The following KIF13A variants were observed in gnomAD, a reference collection of about 807,000 sequenced individuals.
The protein encoded by KIF13A is kinesin family member 13A.
KIF13A carries 79 observed loss-of-function variants against 212.2 expected under a neutral mutation model. The observed-to-expected ratio is 0.37, with a 90% CI of 0.31 to 0.45. The LOEUF (loss-of-function observed/expected upper bound fraction) is 0.45, where lower values mean the gene tolerates loss of function less well. KIF13A is among the 20% of genes least tolerant of loss of function. KIF13A has a pLI of 1.00. For missense variants in KIF13A, 1,901 were observed against 2,209.0 expected, an observed-to-expected ratio of 0.86 and a Z score of 2.79; for synonymous variants, 789 against 808.6, an observed-to-expected ratio of 0.98 and a Z score of 0.41.
intron 23 of KIF13A, among the ~76,000 whole-genome samples, chr6:17,796,194 T>A (rs528431835): frequency 6.7e-6 from 1 of 149,836 alleles, no homozygotes; most frequent in African/African-American, 2.4e-5. Flanking sequence ...TTTTTTTTTT[T>A]CTTTCCTTTT....
chr6:17,918,915 C>T lies in KIF13A; in HGVS notation c.147-20735G>A, dbSNP rs184033561. Reference sequence around the variant, plus strand: ...TTATTTGCTTATTATCCACAGGTCTCCCCTGGATCTGACAGTTATAAGATC... The same window carrying T: ...TTATTTGCTTATTATCCACAGGTCTTCCCTGGATCTGACAGTTATAAGATC... On this transcript the variant is annotated intron_variant, in intron 2 of 38. Coordinates refer to ENST00000259711, the MANE Select transcript of KIF13A (RefSeq NM_022113.6). This position sits in a 1 kb window ranked among gnomAD's most constrained non-coding sequence, Gnocchi z 4.8. Among the ~76,000 whole-genome samples, 2 of 152,152 alleles carry T rather than the reference C, an allele frequency of 1.3e-5. No individual in the cohort carries two copies. Among genetic ancestry groups the T allele is most frequent in the Non-Finnish European group, 2.9e-5 (2 of 68,038 alleles).
intron 19 of KIF13A, 46 bp downstream of exon 19, chr6:17,805,429 C>T (rs1554168432): frequency 3.3e-6 from 5 of 1,529,628 alleles, no homozygotes; most frequent in East Asian, 2.3e-5. Context: ...CTTATATTCT[C>T]TGTTTTTAAC....
At chr6:17,910,833 G>C (rs1432890597) in intron 2 of KIF13A, among the ~76,000 whole-genome samples, 3 of 152,182 alleles carry the variant, frequency 2.0e-5, no homozygotes, top group African/African-American at 7.2e-5. Flanking sequence ...TGTGATCTCA[G>C]CTCACTGCAA....
rs1264404267 is a variant in KIF13A, at chr6:17,849,753, G to A, written c.718-264C>T. ...TCTGGAATACAGTCAGAAAGCTGGA[G>A]ATTTAAAATGCCTATGAGGAGATAT... On this transcript the variant is annotated intron_variant, in intron 8 of 38. Transcript: ENST00000259711. This position sits in a 1 kb window ranked among gnomAD's most constrained non-coding sequence, Gnocchi z 5.7. 6.6e-6 allele frequency among the ~76,000 whole-genome samples: 1 copy of A among 152,182 alleles called. No homozygotes were observed. The highest frequency in any genetic ancestry group is 1.5e-5 in the Non-Finnish European group (1 of 68,022).
rs913842897 is a variant in KIF13A, at chr6:17,871,801, T to C, written c.220+1576A>G. 6.6e-6 allele frequency among the ~76,000 whole-genome samples: 1 copy of C among 152,192 alleles called. No individual in the cohort carries two copies. The highest frequency in any genetic ancestry group is 6.5e-5 in the Admixed American group (1 of 15,274). ...TGAGAAGAGCTCCAGTTCAGGAAGATATATATGGCTGCATCTTGAGTAACA... is the reference window on the plus strand; with the variant it reads ...TGAGAAGAGCTCCAGTTCAGGAAGACATATATGGCTGCATCTTGAGTAACA... On this transcript the variant is annotated intron_variant, in intron 4 of 38. Transcript: ENST00000259711. The surrounding 1 kb of genome is among the most constrained non-coding windows in gnomAD (Gnocchi z 4.4).
At chr6:17,846,041 CTTTTTTTTT>C (rs34232861) in intron 9 of KIF13A, among the ~76,000 whole-genome samples, 60 of 83,254 alleles carry the variant, frequency 7.2e-4, no homozygotes, top group Non-Finnish European at 9.8e-4. Context: ...GGAACTCAAC[CTTTTTTTTT>C]TTTTTTTTTT....
intron 9 of KIF13A, among the ~76,000 whole-genome samples, chr6:17,848,955 T>C (rs1767365661): frequency 6.6e-6 from 1 of 152,162 alleles, no homozygotes; most frequent in African/African-American, 2.4e-5. Flanking sequence ...TCTCACTCTG[T>C]TGCCCAAGCT....
At chr6:17,810,627 T>C (rs540944517) in intron 17 of KIF13A, among the ~76,000 whole-genome samples, 1 of 152,354 alleles carries the variant, frequency 6.6e-6, no homozygotes, top group East Asian at 1.9e-4. Context: ...AATGAAATAA[T>C]GATACAGCTC....
At position 17,763,704 on chromosome 6, in the gene KIF13A, CA is replaced by C; in HGVS notation, c.*405del. 1 of 350,072 alleles carries C rather than the reference CA, an allele frequency of 2.9e-6. No homozygotes were observed. The highest frequency in any genetic ancestry group is 1.3e-4 in the East Asian group (1 of 7,578). 21.7% of individuals were successfully genotyped at this position (350,072 alleles called of 1,614,324 possible). ...GGGTGTCTTACAACTGTTGATATGA[CA>C]GAGTTTAATTGGCAGTATTTTTTCT... On this transcript the variant is annotated 3_prime_UTR_variant, in exon 39 of 39. Coordinates refer to ENST00000259711, the MANE Select transcript of KIF13A (RefSeq NM_022113.6).
chr6:17,824,154 C>T (rs1173663006), intron 16 of KIF13A, among the ~76,000 whole-genome samples: 4 of 151,612 alleles, frequency 2.6e-5, no homozygotes, highest in South Asian at 2.1e-4. Flanking sequence ...GTGATCTGCC[C>T]ACCTGGGCCT....
chr6:17,903,034 A>G (rs1030388044), intron 2 of KIF13A, among the ~76,000 whole-genome samples: 5 of 152,218 alleles, frequency 3.3e-5, no homozygotes, highest in African/African-American at 1.2e-4. Flanking sequence ...GACTTCAGAG[A>G]CTGTCAGAAA....
At position 17,783,163 on chromosome 6, in the gene KIF13A, G is replaced by A. The variant is rs1291274407; in HGVS notation, c.3544+483C>T. ...CACATGGGGTTCCAGTTAATATTTC[G>A]TTTAGAAAAGGATTGTTCTGCTAAA... is the stretch of plus-strand genomic sequence containing the variant. On this transcript the variant is annotated intron_variant, in intron 29 of 38. Transcript: ENST00000259711. This position sits in a 1 kb window ranked among gnomAD's most constrained non-coding sequence, Gnocchi z 4.3. Among the ~76,000 whole-genome samples the A allele has an allele frequency of 2.6e-5, 4 of 152,166 alleles. No individual in the cohort carries two copies. The highest frequency in any genetic ancestry group is 5.9e-5 in the Non-Finnish European group (4 of 68,020).
rs1777884634 is a variant in KIF13A at position 17,951,974 on chromosome 6, T to G, written c.146+35080A>C. On this transcript the variant is annotated intron_variant, in intron 2 of 38. Transcript: ENST00000259711. This position sits in a 1 kb window ranked among gnomAD's most constrained non-coding sequence, Gnocchi z 4.9. ...GCAATTTGGCAATTTATATTTACAA[T>G]TTAAATGCTCATAGTCTTTTCCTAA... Among the ~76,000 whole-genome samples, 3 of 152,220 alleles carry G rather than the reference T, an allele frequency of 2.0e-5. No homozygotes were observed. The highest frequency in any genetic ancestry group is 2.4e-5 in the African/African-American group (1 of 41,462).
chr6:17,788,094 C>T (rs940500473), intron 26 of KIF13A, among the ~76,000 whole-genome samples: 76 of 152,196 alleles, frequency 5.0e-4, no homozygotes, highest in African/African-American at 1.7e-3. Context: ...CCCTGGATCT[C>T]CAGAAGGATA....
At position 17,816,716 on chromosome 6, in the gene KIF13A, T is replaced by C. The variant is rs546963569; in HGVS notation, c.2000+304A>G. 7.9e-5 allele frequency among the ~76,000 whole-genome samples: 12 copies of C among 151,852 alleles called. No individual in the cohort carries two copies. Among genetic ancestry groups the C allele is most frequent in the African/African-American group, 2.9e-4 (12 of 41,342 alleles). ...GAAATAAGAAAAAAATGCTTTTGTG[T>C]TAAAGAAATTATTCAAACTTTCTAA... On this transcript the variant is annotated intron_variant, in intron 17 of 38. Transcript: ENST00000259711. The surrounding 1 kb of genome is among the most constrained non-coding windows in gnomAD (Gnocchi z 4.3).
chr6:17,840,177 A>G (rs926245501), intron 9 of KIF13A, among the ~76,000 whole-genome samples: 1 of 152,172 alleles, frequency 6.6e-6, no homozygotes, highest in African/African-American at 2.4e-5. Context: ...AACTCTGAAT[A>G]TATTAATGCT....
chr6:17,789,767 C>A lies in KIF13A; in HGVS notation c.3261+105G>T. 2 of 817,050 alleles carry A rather than the reference C, an allele frequency of 2.4e-6. No individual in the cohort carries two copies. The highest frequency in any genetic ancestry group is 4.0e-6 in the Non-Finnish European group (2 of 505,578). 50.6% of individuals were successfully genotyped at this position (817,050 alleles called of 1,614,324 possible). On this transcript the variant is annotated intron_variant, in intron 26 of 38. Coordinates refer to ENST00000259711, the MANE Select transcript of KIF13A (RefSeq NM_022113.6). This position sits in a 1 kb window ranked among gnomAD's most constrained non-coding sequence, Gnocchi z 4.8. ...AAAAGCAAGTGAAAAACTGCATATT[C>A]TCGCTCTAGGGCCCTCCTTCCTCCT...
rs1298669521 is a variant in KIF13A at position 17,895,208 on chromosome 6, T to A, written c.159+2960A>T. Among the ~76,000 whole-genome samples the A allele has an allele frequency of 3.3e-5, 5 of 152,236 alleles. No individual in the cohort carries two copies. On this transcript the variant is annotated intron_variant, in intron 3 of 38. Coordinates refer to ENST00000259711, the MANE Select transcript of KIF13A (RefSeq NM_022113.6). This position sits in a 1 kb window ranked among gnomAD's most constrained non-coding sequence, Gnocchi z 4.4. Reference sequence around the variant, plus strand: ...TTTATGTCTTTGAAGATAACAAATATATTCATTTTGAAGTTCCTGTCTAAT... The same window carrying A: ...TTTATGTCTTTGAAGATAACAAATAAATTCATTTTGAAGTTCCTGTCTAAT...
At position 17,964,898 on chromosome 6, in the gene KIF13A, A is replaced by G. The variant is rs529397710; in HGVS notation, c.146+22156T>C. Reference sequence around the variant, plus strand: ...AGTGTAGTGGTGTGATCTCGGCCCAATGCAACCTCTGACTCCCTGGTTCAA... The same window carrying G: ...AGTGTAGTGGTGTGATCTCGGCCCAGTGCAACCTCTGACTCCCTGGTTCAA... On this transcript the variant is annotated intron_variant, in intron 2 of 38. Transcript: ENST00000259711. Among the ~76,000 whole-genome samples, 16 of 148,974 alleles carry G rather than the reference A, an allele frequency of 1.1e-4. No individual in the cohort carries two copies. The South Asian group carries it at 3.2e-3, about 30-fold the overall frequency.
Sources: allele counts gnomAD v4.1 joint callset (sites outside exome capture counted in the v4.1 genomes callset), GRCh38; gene constraint gnomAD v4.1.1; non-coding constraint Gnocchi (gnomAD v3.1); transcripts MANE v1.5; gene names NCBI Gene and HGNC (gene_info 2026-07-23, HGNC 2026-07-21).